TTBK2: variants seen among roughly 807,000 people sequenced by gnomAD.
TTBK2 encodes the protein tau-tubulin kinase 2.
TTBK2 carries 28 observed loss-of-function variants against 110.8 expected under a neutral mutation model. The ratio of observed to expected loss-of-function variants is 0.25; its 90% confidence interval spans 0.19 to 0.35. The LOEUF (loss-of-function observed/expected upper bound fraction) is 0.35, where lower values mean the gene tolerates loss of function less well. Ranked by LOEUF, TTBK2 falls within the 10% of genes least tolerant of loss-of-function variation. TTBK2 has a pLI of 1.00. For missense variants in TTBK2, 1,369 were observed against 1,500.3 expected, an observed-to-expected ratio of 0.91 and a Z score of 1.45; for synonymous variants, 532 against 527.3, an observed-to-expected ratio of 1.01 and a Z score of -0.12.
chr15:42,862,196 A>T (rs1894185067), intron 3 of TTBK2, among the ~76,000 whole-genome samples: 1 of 152,196 alleles, frequency 6.6e-6, no homozygotes, highest in African/African-American at 2.4e-5. Context: ...CTATTTAAAA[A>T]AAAAATGAGG....
chr15:42,792,830 T>G (rs1386382435), intron 10 of TTBK2, among the ~76,000 whole-genome samples: 1 of 152,222 alleles, frequency 6.6e-6, no homozygotes, highest in African/African-American at 2.4e-5. Flanking sequence ...GAGGACATGG[T>G]TTTTCTGTGT....
intron 4 of TTBK2, among the ~76,000 whole-genome samples, chr15:42,835,734 T>C (rs1209568855): frequency 6.6e-6 from 1 of 152,102 alleles, no homozygotes; most frequent in African/African-American, 2.4e-5. Context: ...TGTGGTTACT[T>C]TAAGAAAAAA....
rs1367901558 is a variant in TTBK2, at chr15:42,740,942, A to G, written c.*4853T>C. ...GTCATAATTCCAAGTTCAGTCAGGG[A>G]TTTCTCAGAATTGAGGTGTGCAGCA... On this transcript the variant is annotated 3_prime_UTR_variant, in exon 15 of 15. Transcript: ENST00000267890. 3 of 152,188 alleles carry G rather than the reference A, an allele frequency of 2.0e-5. No homozygotes were observed. The highest frequency in any genetic ancestry group is 1.3e-4 in the Admixed American group (2 of 15,284). The allele number at this position is 152,188 out of a possible 1,614,324, so 9.4% of individuals were successfully genotyped here.
chr15:42,843,269 T>C lies in TTBK2; in HGVS notation c.218-2836A>G, dbSNP rs145382753. On this transcript the variant is annotated intron_variant, in intron 3 of 14. Coordinates refer to ENST00000267890, the MANE Select transcript of TTBK2 (RefSeq NM_173500.4). ...TTTAACTTTAAAGCAAGGATGACAA[T>C]GGCCCCTTCTCAAAACAAACCCACT... Among the ~76,000 whole-genome samples, 642 of 152,290 alleles carry C rather than the reference T, an allele frequency of 4.2e-3. 14 individuals carry two copies. The East Asian group carries it at 0.051, about 12-fold the overall frequency.
At chr15:42,802,189 G>A (rs778019698) in intron 9 of TTBK2, 11 of 1,131,704 alleles carry the variant, frequency 9.7e-6, no homozygotes, top group African/African-American at 9.1e-5. Context: ...CAGGTTAAGA[G>A]GGCTCAGCAG....
intron 1 of TTBK2, among the ~76,000 whole-genome samples, chr15:42,891,059 C>CG (rs992527048): frequency 6.6e-6 from 1 of 151,438 alleles, no homozygotes; most frequent in East Asian, 1.9e-4. Context: ...CTGGTAGAGA[C>CG]GGGGGGTTTT....
intron 1 of TTBK2, among the ~76,000 whole-genome samples, chr15:42,898,281 G>A (rs1013554367): frequency 6.6e-6 from 1 of 151,998 alleles, no homozygotes; most frequent in African/African-American, 2.4e-5. Context: ...CTGGCCAGGT[G>A]CAGTGGCTGA....
chr15:42,912,886 G>T (rs1437195362), intron 1 of TTBK2, among the ~76,000 whole-genome samples: 1 of 151,374 alleles, frequency 6.6e-6, no homozygotes, highest in East Asian at 2.0e-4. Flanking sequence ...AGCACTTTGG[G>T]AGGCCGAGGC....
intron 14 of TTBK2, 145 bp downstream of exon 14, chr15:42,751,829 G>A: frequency 2.1e-6 from 2 of 944,726 alleles, no homozygotes; most frequent in Non-Finnish European, 3.4e-6. Flanking sequence ...TACTTCTACT[G>A]CACTAGGCTG....
intron 1 of TTBK2, among the ~76,000 whole-genome samples, chr15:42,893,542 G>A (rs182106394): frequency 2.9e-4 from 44 of 151,018 alleles, no homozygotes; most frequent in East Asian, 2.3e-3. Flanking sequence ...AAATAAGCAC[G>A]GAAGTTTCAA....
chr15:42,846,972 A>T (rs1020868672), intron 3 of TTBK2, among the ~76,000 whole-genome samples: 10 of 152,174 alleles, frequency 6.6e-5, no homozygotes, highest in African/African-American at 2.4e-4. Flanking sequence ...ACACTTATCC[A>T]TCTCTTCATC....
intron 8 of TTBK2, among the ~76,000 whole-genome samples, chr15:42,811,301 A>G (rs1413869677): frequency 6.6e-6 from 1 of 152,184 alleles, no homozygotes; most frequent in African/African-American, 2.4e-5. Context: ...TCTCAAAATA[A>G]TTTATCTTAA....
chr15:42,918,418 T>A (rs1261830467), intron 1 of TTBK2, among the ~76,000 whole-genome samples: 4 of 151,932 alleles, frequency 2.6e-5, no homozygotes, highest in African/African-American at 9.7e-5. Context: ...AATCTGAAAG[T>A]GTCTTAGGTA....
intron 10 of TTBK2, among the ~76,000 whole-genome samples, chr15:42,786,842 T>C (rs1206028056): frequency 1.3e-5 from 2 of 151,774 alleles, no homozygotes; most frequent in Non-Finnish European, 2.9e-5. Context: ...GATCCAAATC[T>C]TGAGTATGCA....
intron 1 of TTBK2, among the ~76,000 whole-genome samples, chr15:42,902,899 C>T (rs1317636746): frequency 3.3e-5 from 5 of 151,056 alleles, no homozygotes; most frequent in Admixed American, 2.6e-4. Flanking sequence ...GCAGGAGAAT[C>T]GCTGGAACCC....
intron 3 of TTBK2, among the ~76,000 whole-genome samples, chr15:42,852,309 T>G (rs1248749095): frequency 6.6e-6 from 1 of 152,086 alleles, no homozygotes; most frequent in Non-Finnish European, 1.5e-5. Flanking sequence ...CCTCAAGTGA[T>G]CCACCCACCT....
intron 1 of TTBK2, among the ~76,000 whole-genome samples, chr15:42,918,013 A>C (rs2031175422): frequency 6.6e-6 from 1 of 152,150 alleles, no homozygotes; most frequent in African/African-American, 2.4e-5. Flanking sequence ...TGATCAACAC[A>C]GTCCTTACTA....
At position 42,913,803 on chromosome 15, in the gene TTBK2, T is replaced by C. The variant is rs77298717; in HGVS notation, c.-68+6635A>G. On this transcript the variant is annotated intron_variant, in intron 1 of 14. Coordinates refer to ENST00000267890, the MANE Select transcript of TTBK2 (RefSeq NM_173500.4). Reference sequence around the variant, plus strand: ...AGTATAACTTACATGACCAGATTGTTAAGGAAAACACTACACATTCCTTGG... The same window carrying C: ...AGTATAACTTACATGACCAGATTGTCAAGGAAAACACTACACATTCCTTGG... Among the ~76,000 whole-genome samples the C allele has an allele frequency of 5.8e-3, 885 of 152,270 alleles. 11 individuals are homozygous for C. The highest frequency in any genetic ancestry group is 0.02 in the African/African-American group (838 of 41,548).
At chr15:42,910,163 T>A (rs1034514152) in intron 1 of TTBK2, among the ~76,000 whole-genome samples, 2 of 151,852 alleles carry the variant, frequency 1.3e-5, no homozygotes, top group Admixed American at 6.6e-5. Flanking sequence ...CAGTAACAGA[T>A]AATAGTTATA....
Sources: gnomAD v4.1 joint callset for allele counts (sites outside exome capture counted in the v4.1 genomes callset) on GRCh38, gnomAD v4.1.1 for gene constraint, MANE v1.5 for transcripts, NCBI Gene and HGNC (gene_info 2026-07-23, HGNC 2026-07-21) for gene names.